The following TXNDC11 variants were observed in gnomAD, a reference collection of about 807,000 sequenced individuals.
The protein encoded by TXNDC11 is thioredoxin domain containing 11.
Under a neutral mutation model 78.0 loss-of-function variants are expected in TXNDC11, and 68 were observed. That is an observed-to-expected ratio of 0.87 (90% CI 0.72 to 1.07). The LOEUF is 1.07. TXNDC11 is among the 50% of genes least tolerant of loss of function. TXNDC11 has a pLI of 0.00. For missense variants in TXNDC11, 1,389 were observed against 1,221.8 expected, an observed-to-expected ratio of 1.14 and a Z score of -2.04; for synonymous variants, 571 against 495.2, an observed-to-expected ratio of 1.15 and a Z score of -2.03.
intron 1 of TXNDC11, among the ~76,000 whole-genome samples, chr16:11,736,563 G>C (rs1234313819): frequency 6.6e-6 from 1 of 152,132 alleles, no homozygotes; most frequent in African/African-American, 2.4e-5. Context: ...CTCCACAAAA[G>C]CCACTTATCT....
chr16:11,713,268 G>A, intron 5 of TXNDC11, among the ~76,000 whole-genome samples: 1 of 144,256 alleles, frequency 6.9e-6, no homozygotes, highest in Non-Finnish European at 1.5e-5. Context: ...GGCACAGAGT[G>A]AGACTCTGTC....
In TXNDC11 at chr16:11,730,770, C is replaced by G. The variant is rs755302403; in HGVS notation, c.574G>C (p.Gly192Arg). 6 of 1,560,296 alleles carry G rather than the reference C, an allele frequency of 3.8e-6. No homozygotes were observed. Among genetic ancestry groups the G allele is most frequent in the South Asian group, 3.8e-5 (3 of 78,076 alleles). ...PVIYLYHRSF[G>R]PIEYKGPMSA... ...ATGGGGCCTTTGTATTCGATTGGTC[C>G]AAAACTAGTACCAAAAAATAAAAAT... Residue 192 changes from glycine to arginine, a missense_variant, in exon 4 of 12, where the codon GGA (glycine) becomes CGA (arginine). Physicochemically the swap from Gly to Arg is moderately radical, Grantham distance 125. Coordinates refer to ENST00000283033, the MANE Select transcript of TXNDC11 (RefSeq NM_015914.7).
chr16:11,730,102 T>C (rs2052003690), intron 4 of TXNDC11, among the ~76,000 whole-genome samples: 1 of 152,008 alleles, frequency 6.6e-6, no homozygotes, highest in Non-Finnish European at 1.5e-5. Flanking sequence ...GAAAATACCA[T>C]AAAAATAATT....
At chr16:11,707,499 A>G (rs945821414) in intron 5 of TXNDC11, among the ~76,000 whole-genome samples, 1 of 151,404 alleles carries the variant, frequency 6.6e-6, no homozygotes, top group Non-Finnish European at 1.5e-5. Flanking sequence ...CCCAGCCTGC[A>G]GTAAAGTGGC....
chr16:11,689,815 T>C lies in TXNDC11; in HGVS notation c.1901-1370A>G, dbSNP rs923076663. On this transcript the variant is annotated intron_variant, in intron 8 of 11. Coordinates refer to ENST00000283033, the MANE Select transcript of TXNDC11 (RefSeq NM_015914.7). ...ATTTAAAAAAAAAATGCTTGTTTCA[T>C]TTTAAGAAAGCTCAACACATCAAAA... 2.6e-5 allele frequency among the ~76,000 whole-genome samples: 4 copies of C among 152,338 alleles called. 1 individual carries two copies. The South Asian group carries it at 6.2e-4, about 24-fold the overall frequency.
intron 5 of TXNDC11, chr16:11,703,662 G>C: frequency 1.4e-6 from 1 of 702,678 alleles, no homozygotes; most frequent in Non-Finnish European, 2.6e-6. Flanking sequence ...TAATACCAAA[G>C]AGCATACCTA....
In TXNDC11 at chr16:11,742,468, C is replaced by T. The variant is rs1389117996; in HGVS notation, c.254+9G>A. On this transcript the variant is annotated intron_variant, in intron 1 of 11. Coordinates refer to ENST00000283033, the MANE Select transcript of TXNDC11 (RefSeq NM_015914.7). Reference sequence around the variant, plus strand: ...CCCTAGCGGGGCCCCAGGGTCCGGGCCGCCTCACCTGCAGGTGAACTTGAG... The same window carrying T: ...CCCTAGCGGGGCCCCAGGGTCCGGGTCGCCTCACCTGCAGGTGAACTTGAG... The T allele has an allele frequency of 2.1e-6, 3 of 1,419,266 alleles. No homozygotes were observed. The highest frequency in any genetic ancestry group is 2.7e-6 in the Non-Finnish European group (3 of 1,093,746). The allele number at this position is 1,419,266 out of a possible 1,614,324, so 87.9% of individuals were successfully genotyped here.
chr16:11,710,702 G>A (rs1416277703), intron 5 of TXNDC11, among the ~76,000 whole-genome samples: 2 of 152,206 alleles, frequency 1.3e-5, no homozygotes, highest in Non-Finnish European at 2.9e-5. Context: ...TTAACTGGGT[G>A]TGATGGCGTG....
chr16:11,698,604 G>A (rs894880395), intron 6 of TXNDC11, among the ~76,000 whole-genome samples: 1 of 152,244 alleles, frequency 6.6e-6, no homozygotes, highest in Non-Finnish European at 1.5e-5. Flanking sequence ...AATTCTCCCT[G>A]CCAGCTGGTG....
Position 11,736,106 on chromosome 16 carries a change from C to A in TXNDC11, c.382G>T (p.Val128Leu). ...AEYVRRDSEV[V>L]LLFFYAPWCG... Reference sequence around the variant, plus strand: ...CAAGGGGCATAGAAGAAGAGCAGTACCACCTCTGAATCCCGTCGAACGTAC... The same window carrying A: ...CAAGGGGCATAGAAGAAGAGCAGTAACACCTCTGAATCCCGTCGAACGTAC... Residue 128 changes from valine to leucine, a missense_variant, in exon 2 of 12, where the codon GTA (valine) becomes TTA (leucine). Transcript: ENST00000283033. The A allele has an allele frequency of 6.2e-7, 1 of 1,614,162 alleles. No homozygotes were observed. Among genetic ancestry groups the A allele is most frequent in the African/African-American group, 1.3e-5 (1 of 75,034 alleles).
At chr16:11,706,837 AAT>A (rs2051194966) in intron 5 of TXNDC11, among the ~76,000 whole-genome samples, 1 of 152,154 alleles carries the variant, frequency 6.6e-6, no homozygotes, top group Admixed American at 6.6e-5. Context: ...ACAACGTTTT[AAT>A]ATATGACTAC....
At chr16:11,688,532 T>G (rs745898517) in intron 8 of TXNDC11, 87 bp from the exon 9 acceptor site, 61 of 1,105,368 alleles carry the variant, frequency 5.5e-5, no homozygotes, top group Non-Finnish European at 7.2e-5. Flanking sequence ...TTTTAAAAAC[T>G]CAAATGACTT....
chr16:11,686,671 T>G (rs948590502), intron 10 of TXNDC11, among the ~76,000 whole-genome samples: 26 of 152,280 alleles, frequency 1.7e-4, no homozygotes, highest in African/African-American at 6.3e-4. Flanking sequence ...ACTTTGTTAC[T>G]GTTTTAATTT....
Position 11,691,385 on chromosome 16 carries a change from GA to G in TXNDC11, c.1804del (p.Ser602ProfsTer4). On this transcript the variant is annotated frameshift_variant, in exon 8 of 12. Coordinates refer to ENST00000283033, the MANE Select transcript of TXNDC11 (RefSeq NM_015914.7). LOFTEE classifies it high-confidence loss of function. ...LYAERLGAPS[S>X]TQVKEFAAIV... ...TGCCGCAAATTCTTTCACCTGAGTGGAGCTCGGAGCACCCAGTCTCTCTGCA... is the reference window on the plus strand; with the variant it reads ...TGCCGCAAATTCTTTCACCTGAGTGGGCTCGGAGCACCCAGTCTCTCTGCA... 1 of 1,614,160 alleles carries G rather than the reference GA, an allele frequency of 6.2e-7. No homozygotes were observed. The highest frequency in any genetic ancestry group is 8.5e-7 in the Non-Finnish European group (1 of 1,179,988).
chr16:11,702,427 G>T (rs890034615), intron 5 of TXNDC11, among the ~76,000 whole-genome samples: 8 of 152,138 alleles, frequency 5.3e-5, no homozygotes, highest in African/African-American at 1.9e-4. Context: ...TAGCACTTTG[G>T]GAGGCCGAGG....
chr16:11,707,316 G>A (rs1250829947), intron 5 of TXNDC11, among the ~76,000 whole-genome samples: 1 of 151,328 alleles, frequency 6.6e-6, no homozygotes, highest in Non-Finnish European at 1.5e-5. Flanking sequence ...CTATTTGGGA[G>A]GCTGAGGCAG....
In TXNDC11 at chr16:11,687,850, T is replaced by A. The variant is rs1311992654; in HGVS notation, c.2153+7A>T. ...AGCCCAAAGCGCTGCAGAAGAGGCC[T>A]GCTTACCTTGCCACAGTGAATGTGT... On this transcript the variant is annotated splice_region_variant and intron_variant, in intron 10 of 11. Transcript: ENST00000283033. The A allele has an allele frequency of 1.2e-6, 2 of 1,602,208 alleles. No individual in the cohort carries two copies.
chr16:11,733,365 A>T (rs2052111856), intron 3 of TXNDC11, among the ~76,000 whole-genome samples: 1 of 151,908 alleles, frequency 6.6e-6, no homozygotes, highest in South Asian at 2.1e-4. Context: ...CTCTACTAAA[A>T]ATACAAAAAA....
intron 6 of TXNDC11, among the ~76,000 whole-genome samples, chr16:11,699,953 G>A (rs974379849): frequency 3.9e-5 from 6 of 152,182 alleles, no homozygotes; most frequent in Admixed American, 2.0e-4. Flanking sequence ...GAACAAAGGC[G>A]ACAATGGAAA....
Sources: allele counts gnomAD v4.1 joint callset (sites outside exome capture counted in the v4.1 genomes callset), GRCh38; gene constraint gnomAD v4.1.1; transcripts MANE v1.5; gene names NCBI Gene and HGNC (gene_info 2026-07-23, HGNC 2026-07-21).